The following CPEB3 variants were observed in gnomAD, a reference collection of about 807,000 sequenced individuals.
CPEB3 encodes cytoplasmic polyadenylation element binding protein 3.
CPEB3 carries 20 observed loss-of-function variants against 67.2 expected under a neutral mutation model. That is an observed-to-expected ratio of 0.30 (90% CI 0.21 to 0.43). The LOEUF is 0.43. CPEB3 is among the 20% of genes least tolerant of loss of function. The pLI, the probability that CPEB3 is intolerant of heterozygous loss-of-function variation, is 1.00. For synonymous variants in CPEB3, 376 were observed against 393.1 expected (o/e 0.96, Z 0.51); for missense variants, 746 against 968.6 (o/e 0.77, Z 3.05).
In CPEB3 at chr10:92,053,357, ATT is replaced by A. The variant is rs60929048; in HGVS notation, c.1870-920_1870-919del. 2.0e-4 allele frequency among the ~76,000 whole-genome samples: 30 copies of A among 148,630 alleles called. No individual in the cohort carries two copies. The East Asian group carries it at 4.5e-3, about 23-fold the overall frequency. On this transcript the variant is annotated intron_variant, in intron 9 of 9. Transcript: ENST00000265997. Reference sequence around the variant, plus strand: ...GAAAAGAAACATCATTAACTTTATCATTTTTTTTTTTAATTATTATTTTTTGA... The same window carrying A: ...GAAAAGAAACATCATTAACTTTATCATTTTTTTTTAATTATTATTTTTTGA...
chr10:92,104,446 G>A (rs1844342970), intron 7 of CPEB3, among the ~76,000 whole-genome samples: 1 of 149,298 alleles, frequency 6.7e-6, no homozygotes, highest in African/African-American at 2.5e-5. Flanking sequence ...GCAGTGGCTG[G>A]CACGATCTCG....
At chr10:92,143,233 T>A in intron 5 of CPEB3, 115 bp from the exon 6 acceptor site, 1 of 679,446 alleles carries the variant, frequency 1.5e-6, no homozygotes, top group Non-Finnish European at 2.4e-6. Flanking sequence ...GGTTGTTTTC[T>A]ATAGCATCTT....
intron 4 of CPEB3, among the ~76,000 whole-genome samples, chr10:92,165,517 A>G (rs1431625316): frequency 6.6e-6 from 1 of 151,806 alleles, no homozygotes; most frequent in Non-Finnish European, 1.5e-5. Context: ...ATCTTAAAAA[A>G]AAGAGATCAG....
At position 92,142,890 on chromosome 10, in the gene CPEB3, G is replaced by A. The variant is rs1331234040; in HGVS notation, c.1453+139C>T. 1.1e-5 allele frequency: 6 copies of A among 551,484 alleles called. No individual in the cohort carries two copies. The East Asian group carries it at 1.8e-4, about 17-fold the overall frequency. The allele number at this position is 551,484 out of a possible 1,614,324, so 34.2% of individuals were successfully genotyped here. ...CTAAGTGGAAACATAATACACAAAA[G>A]GATGATCAACATTAAAATGTTTTCC... On this transcript the variant is annotated intron_variant, in intron 6 of 9. Transcript: ENST00000265997.
chr10:92,169,285 C>T (rs987221155), intron 4 of CPEB3, among the ~76,000 whole-genome samples: 3 of 151,900 alleles, frequency 2.0e-5, no homozygotes, highest in Non-Finnish European at 4.4e-5. Context: ...ATTACAGATG[C>T]CTGCCACCAT....
rs967469991 is a variant in CPEB3, at chr10:92,072,988, T to C, written c.1869+8332A>G. Among the ~76,000 whole-genome samples, 6 of 151,528 alleles carry C rather than the reference T, an allele frequency of 4.0e-5. No homozygotes were observed. The East Asian group carries it at 9.7e-4, about 24-fold the overall frequency. ...AAGCCTTTATTTATTTATTTCAAGATGCTAATGACTTTTTTCCTTAGAAGT... is the reference window on the plus strand; with the variant it reads ...AAGCCTTTATTTATTTATTTCAAGACGCTAATGACTTTTTTCCTTAGAAGT... On this transcript the variant is annotated intron_variant, in intron 9 of 9. Transcript: ENST00000265997.
At chr10:92,194,983 G>A (rs902315140) in intron 2 of CPEB3, among the ~76,000 whole-genome samples, 1 of 151,544 alleles carries the variant, frequency 6.6e-6, no homozygotes, top group African/African-American at 2.4e-5. Flanking sequence ...GGTGGAGCTT[G>A]CAGTGAGCCG....
chr10:92,092,019 A>G, intron 7 of CPEB3, 75 bp from the exon 8 acceptor site: 1 of 889,268 alleles, frequency 1.1e-6, no homozygotes, highest in African/African-American at 1.7e-5. Flanking sequence ...ACTAAAGACA[A>G]ACCCACTGAT....
intron 3 of CPEB3, among the ~76,000 whole-genome samples, chr10:92,184,560 G>A (rs559786489): frequency 2.0e-5 from 3 of 152,098 alleles, no homozygotes; most frequent in East Asian, 1.9e-4. Flanking sequence ...AGCCGAGATC[G>A]TGTCACAGCA....
chr10:92,111,261 A>AAATT (rs1844727391), intron 6 of CPEB3, 67 bp from the exon 7 acceptor site: 1 of 1,027,176 alleles, frequency 9.7e-7, no homozygotes, highest in African/African-American at 1.6e-5. Flanking sequence ...TACCAATTAC[A>AAATT]AATTATCTGT....
At chr10:92,237,420 T>C (rs1260779438) in intron 2 of CPEB3, among the ~76,000 whole-genome samples, 2 of 152,238 alleles carry the variant, frequency 1.3e-5, no homozygotes, top group Non-Finnish European at 2.9e-5. Flanking sequence ...CCAGTCCATT[T>C]GGCTCTTATT....
At chr10:92,163,537 T>C (rs141950610) in intron 4 of CPEB3, among the ~76,000 whole-genome samples, 6 of 152,330 alleles carry the variant, frequency 3.9e-5, no homozygotes, top group Admixed American at 3.9e-4. Context: ...CATCTAATGT[T>C]CCCTTTCAGC....
chr10:92,237,048 C>T (rs1851572695), intron 2 of CPEB3, among the ~76,000 whole-genome samples: 1 of 152,190 alleles, frequency 6.6e-6, no homozygotes, highest in East Asian at 1.9e-4. Context: ...ATCGAAACCA[C>T]TTAAGATATT....
chr10:92,225,202 T>C (rs936643430), intron 2 of CPEB3, among the ~76,000 whole-genome samples: 1 of 152,002 alleles, frequency 6.6e-6, no homozygotes, highest in Non-Finnish European at 1.5e-5. Flanking sequence ...CTCAATCTCT[T>C]GACCTCGTGA....
chr10:92,195,046 A>ACAC (rs1564855307), intron 2 of CPEB3, among the ~76,000 whole-genome samples: 2,501 of 117,068 alleles, frequency 0.021, 19 homozygotes, highest in Non-Finnish European at 0.031. Flanking sequence ...TGTCTCAAAA[A>ACAC]ACACACACAC....
At chr10:92,056,991 T>C (rs1842135310) in intron 9 of CPEB3, among the ~76,000 whole-genome samples, 1 of 152,230 alleles carries the variant, frequency 6.6e-6, no homozygotes, top group African/African-American at 2.4e-5. Context: ...GGGAACCTGC[T>C]GCCTTGAAGG....
chr10:92,241,936 G>T (rs1198791846), intron 1 of CPEB3, among the ~76,000 whole-genome samples: 3 of 152,106 alleles, frequency 2.0e-5, no homozygotes, highest in Non-Finnish European at 4.4e-5. Flanking sequence ...ACTTGGAGAG[G>T]AATCTTTCTC....
In CPEB3 at chr10:92,143,086, G is replaced by T; in HGVS notation, c.1396C>A (p.Pro466Thr). ...EITASFRRFG[P>T]LVVDWPHKAE... Reference sequence around the variant, plus strand: ...TTGTGAGGCCAGTCTACTACGAGAGGTCCAAACCTGCGAAAGCTGGCAGTG... The same window carrying T: ...TTGTGAGGCCAGTCTACTACGAGAGTTCCAAACCTGCGAAAGCTGGCAGTG... Residue 466 changes from proline (P) to threonine (T), a missense_variant, in exon 6 of 10, where the codon CCT becomes ACT. Physicochemically the swap from Pro to Thr is conservative, Grantham distance 38. Around this residue, in one of 2 missense-constraint regions of CPEB3, gnomAD observed 643 missense variants for 717.5 expected, o/e 0.90. Transcript: ENST00000265997. The T allele has an allele frequency of 6.2e-7, 1 of 1,613,500 alleles. No homozygotes were observed. Among genetic ancestry groups the T allele is most frequent in the Non-Finnish European group, 8.5e-7 (1 of 1,179,700 alleles).
chr10:92,268,103 C>T (rs543559251), intron 1 of CPEB3, among the ~76,000 whole-genome samples: 152 of 152,162 alleles, frequency 1.0e-3, no homozygotes, highest in African/African-American at 3.3e-3. Flanking sequence ...GGCCAGCCAC[C>T]GCGACCGGCC....
Sources: allele counts gnomAD v4.1 joint callset (sites outside exome capture counted in the v4.1 genomes callset), GRCh38; gene constraint gnomAD v4.1.1; regional missense constraint gnomAD v4.1.1; transcripts MANE v1.5; gene names NCBI Gene and HGNC (gene_info 2026-07-23, HGNC 2026-07-21).